Variants in GRM1 observed in about 807,000 individuals in gnomAD.
The protein encoded by GRM1 is glutamate metabotropic receptor 1.
Under a neutral mutation model 90.9 loss-of-function variants are expected in GRM1, and 33 were observed. The ratio of observed to expected loss-of-function variants is 0.36; its 90% confidence interval spans 0.28 to 0.49. The LOEUF (loss-of-function observed/expected upper bound fraction) is 0.49. Among genes scored for constraint, GRM1 ranks in the 20% least tolerant of loss-of-function variants. The pLI is 0.99. For missense variants in GRM1, 1,190 were observed against 1,534.3 expected, an observed-to-expected ratio of 0.78 and a Z score of 3.75; for synonymous variants, 700 against 613.2, an observed-to-expected ratio of 1.14 and a Z score of -2.09.
At chr6:146,360,513 G>T (rs1775428025) in intron 5 of GRM1, among the ~76,000 whole-genome samples, 1 of 152,110 alleles carries the variant, frequency 6.6e-6, no homozygotes, top group African/African-American at 2.4e-5. Context: ...AAGTAAAATG[G>T]GGTACTGAGG....
In GRM1 at chr6:146,270,995, C is replaced by CTTCT. The variant is rs58034716; in HGVS notation, c.951-33592_951-33589dup. On this transcript the variant is annotated intron_variant, in intron 2 of 7. Transcript: ENST00000282753. ...TTTTTTCTCTCTCTCTCTTTCTTTCCTTCTTTCTTTCTTTCTTTCTTTCTT... is the reference window on the plus strand; with the variant it reads ...TTTTTTCTCTCTCTCTCTTTCTTTCCTTCTTTCTTTCTTTCTTTCTTTCTTTCTT... Among the ~76,000 whole-genome samples, 1,023 of 118,842 alleles carry CTTCT rather than the reference C, an allele frequency of 8.6e-3. 14 individuals carry two copies. Among genetic ancestry groups the CTTCT allele is most frequent in the Admixed American group, 0.012 (135 of 10,964 alleles). The allele number at this position is 118,842 out of a possible 152,430, so 78.0% of individuals were successfully genotyped here.
At chr6:146,066,895 TA>T (rs969061641) in intron 1 of GRM1, among the ~76,000 whole-genome samples, 2 of 152,084 alleles carry the variant, frequency 1.3e-5, no homozygotes, top group African/African-American at 4.8e-5. Flanking sequence ...GCTCTGTTAT[TA>T]ATGGTTGTAT....
intron 2 of GRM1, among the ~76,000 whole-genome samples, chr6:146,257,231 T>C (rs1248924789): frequency 1.3e-5 from 2 of 152,164 alleles, no homozygotes; most frequent in Non-Finnish European, 2.9e-5. Flanking sequence ...TTTTAAAATT[T>C]ATAATGGGAC....
At chr6:146,363,677 C>T (rs1775576272) in intron 5 of GRM1, among the ~76,000 whole-genome samples, 1 of 152,130 alleles carries the variant, frequency 6.6e-6, no homozygotes, top group Non-Finnish European at 1.5e-5. Flanking sequence ...ACAGAAACAG[C>T]TACATAAAAT....
At chr6:146,294,993 T>A (rs1783126898) in intron 2 of GRM1, among the ~76,000 whole-genome samples, 1 of 152,084 alleles carries the variant, frequency 6.6e-6, no homozygotes, top group South Asian at 2.1e-4. Flanking sequence ...TGTTTTTTTT[T>A]AACCTGTGAA....
chr6:146,151,492 G>GA lies in GRM1; in HGVS notation c.701-7848dup, dbSNP rs889467177. Among the ~76,000 whole-genome samples the GA allele has an allele frequency of 1.6e-4, 25 of 151,916 alleles. No individual in the cohort carries two copies. In the East Asian group the frequency reaches 1.7e-3, roughly 11 times the overall value. On this transcript the variant is annotated intron_variant, in intron 1 of 7. Coordinates refer to ENST00000282753, the MANE Select transcript of GRM1 (RefSeq NM_001278064.2). ...ATATATCCTCAATATTTTAGGAGTGGAAAAAAAATCAATTTAAAGCCTAGT... is the reference window on the plus strand; with the variant it reads ...ATATATCCTCAATATTTTAGGAGTGGAAAAAAAAATCAATTTAAAGCCTAGT...
chr6:146,133,573 C>CT (rs543001926), intron 1 of GRM1, among the ~76,000 whole-genome samples: 239 of 152,304 alleles, frequency 1.6e-3, no homozygotes, highest in Non-Finnish European at 2.5e-3. Flanking sequence ...CCTTGCCCAT[C>CT]TTTTTCCCTC....
At chr6:146,168,401 A>T (rs992026209) in intron 2 of GRM1, among the ~76,000 whole-genome samples, 22 of 151,890 alleles carry the variant, frequency 1.4e-4, no homozygotes, top group South Asian at 4.1e-4. Context: ...TTTTGATTCT[A>T]TTGTTATTAT....
chr6:146,351,177 G>A (rs959093530), intron 3 of GRM1, among the ~76,000 whole-genome samples: 1 of 152,160 alleles, frequency 6.6e-6, no homozygotes, highest in African/African-American at 2.4e-5. Context: ...ACAAAGGGCA[G>A]CTGGCAGGGA....
intron 2 of GRM1, among the ~76,000 whole-genome samples, chr6:146,294,483 TA>T (rs1372442280): frequency 6.6e-6 from 1 of 152,084 alleles, no homozygotes; most frequent in Non-Finnish European, 1.5e-5. Flanking sequence ...CTTACATTAT[TA>T]ACTAGATTAA....
At chr6:146,128,856 C>A (rs1378623072) in intron 1 of GRM1, among the ~76,000 whole-genome samples, 1 of 152,046 alleles carries the variant, frequency 6.6e-6, no homozygotes, top group African/African-American at 2.4e-5. Flanking sequence ...GGCCATTTCC[C>A]TAAAAGTACA....
chr6:146,080,995 A>G (rs1273514028), intron 1 of GRM1, among the ~76,000 whole-genome samples: 2 of 152,208 alleles, frequency 1.3e-5, no homozygotes, highest in Admixed American at 6.5e-5. Context: ...CAGAGATGGC[A>G]GGTCCTGGAG....
intron 3 of GRM1, among the ~76,000 whole-genome samples, chr6:146,323,826 C>G (rs1413065015): frequency 1.3e-5 from 2 of 152,154 alleles, no homozygotes; most frequent in Admixed American, 6.5e-5. Context: ...CCTGTTTTCC[C>G]AGCACCATTT....
intron 3 of GRM1, among the ~76,000 whole-genome samples, chr6:146,317,137 C>T (rs1230557124): frequency 6.6e-6 from 1 of 152,026 alleles, no homozygotes; most frequent in East Asian, 1.9e-4. Context: ...TTATGTGTGC[C>T]AAATTATTAT....
chr6:146,304,084 T>C (rs1783488952), intron 2 of GRM1, among the ~76,000 whole-genome samples: 1 of 152,224 alleles, frequency 6.6e-6, no homozygotes, highest in South Asian at 2.1e-4. Flanking sequence ...GCTACTTCTA[T>C]GGGAGGCAGA....
At chr6:146,430,328 T>TGA (rs892379241) in intron 7 of GRM1, among the ~76,000 whole-genome samples, 19 of 152,240 alleles carry the variant, frequency 1.2e-4, no homozygotes, top group African/African-American at 4.3e-4. Flanking sequence ...TACATTATCC[T>TGA]ATACATCCTG....
chr6:146,120,602 G>C (rs894339173), intron 1 of GRM1, among the ~76,000 whole-genome samples: 1 of 152,168 alleles, frequency 6.6e-6, no homozygotes, highest in Non-Finnish European at 1.5e-5. Flanking sequence ...ATTATTTTGA[G>C]ATACGTCCCA....
chr6:146,405,455 C>T (rs761701286), intron 7 of GRM1, among the ~76,000 whole-genome samples: 14 of 152,114 alleles, frequency 9.2e-5, no homozygotes, highest in Admixed American at 3.3e-4. Context: ...TGTATTAATG[C>T]GCTCAGGTTG....
intron 1 of GRM1, among the ~76,000 whole-genome samples, chr6:146,140,356 C>T (rs1776827199): frequency 6.6e-6 from 1 of 152,030 alleles, no homozygotes; most frequent in Non-Finnish European, 1.5e-5. Flanking sequence ...GCAACCTCTG[C>T]CACCTGGGCT....
Sources: gnomAD v4.1 joint callset for allele counts (sites outside exome capture counted in the v4.1 genomes callset) on GRCh38, gnomAD v4.1.1 for gene constraint, MANE v1.5 for transcripts, NCBI Gene and HGNC (gene_info 2026-07-23, HGNC 2026-07-21) for gene names.